Variants in HHIPL1 observed in about 807,000 individuals in gnomAD.
The protein encoded by HHIPL1 is HHIP like 1.
HHIPL1 carries 43 observed loss-of-function variants against 61.8 expected under a neutral mutation model. The observed-to-expected ratio is 0.70, with a 90% CI of 0.55 to 0.90. The LOEUF is 0.90. HHIPL1 is among the 40% of genes least tolerant of loss of function. The pLI is 0.00. For synonymous variants in HHIPL1, 482 were observed against 515.8 expected (o/e 0.93, Z 0.89); for missense variants, 1,056 against 1,157.7 (o/e 0.91, Z 1.28).
the HHIPL1 span, among the ~76,000 whole-genome samples, chr14:99,608,705 C>T: frequency 6.6e-6 from 1 of 152,226 alleles, no homozygotes; most frequent in Non-Finnish European, 1.5e-5. Context: ...ACAATGTTGA[C>T]TGGGCACTTT....
chr14:99,652,570 A>T lies in HHIPL1; in HGVS notation c.602A>T (p.His201Leu), dbSNP rs1210050108. 3 of 1,612,990 alleles carry T rather than the reference A, an allele frequency of 1.9e-6. No individual in the cohort carries two copies. Among genetic ancestry groups the T allele is most frequent in the African/African-American group, 2.7e-5 (2 of 74,922 alleles). ...NGLRNPVAMV[H>L]ARDGTHRFFV... ...CTGCGCAACCCCGTGGCCATGGTCC[A>T]TGCCAGGGATGGCACCCACCGCTTC... Residue 201 changes from histidine (H) to leucine (L), a missense_variant, in exon 2 of 9, where the codon CAT becomes CTT. Coordinates refer to ENST00000330710, the MANE Select transcript of HHIPL1 (RefSeq NM_001127258.3).
chr14:99,613,137 G>GC, the HHIPL1 span, among the ~76,000 whole-genome samples: 2 of 152,220 alleles, frequency 1.3e-5, no homozygotes, highest in South Asian at 4.2e-4. Flanking sequence ...CCTGCCCTGG[G>GC]CGAGGCTGGC....
chr14:99,652,590 C>A lies in HHIPL1; in HGVS notation c.622C>A (p.Arg208Ser), dbSNP rs140080680. 6.2e-7 allele frequency: 1 copy of A among 1,613,192 alleles called. No homozygotes were observed. Among genetic ancestry groups the A allele is most frequent in the Non-Finnish European group, 8.5e-7 (1 of 1,179,836 alleles). ...AMVHARDGTH[R>S]FFVAEQVGLV... is the part of the protein sequence containing the mutation. ...GGTCCATGCCAGGGATGGCACCCAC[C>A]GCTTCTTCGTGGCCGAGCAGGTGGG... The change falls in exon 2 of 9, where the codon CGC (arginine) becomes AGC (serine). Residue 208 changes from arginine (R) to serine (S), a missense_variant. Arg to Ser is a moderately radical substitution (Grantham distance 110). Coordinates refer to ENST00000330710, the MANE Select transcript of HHIPL1 (RefSeq NM_001127258.3).
At chr14:99,634,200 G>A in the HHIPL1 span, among the ~76,000 whole-genome samples, 318 of 152,236 alleles carry the variant, frequency 2.1e-3, no homozygotes, top group African/African-American at 4.5e-3. Flanking sequence ...GAGAGGGCAC[G>A]TATGTGTCTG....
chr14:99,650,338 T>A (rs2055906134), intron 1 of HHIPL1, among the ~76,000 whole-genome samples: 1 of 151,986 alleles, frequency 6.6e-6, no homozygotes, highest in Non-Finnish European at 1.5e-5. Flanking sequence ...AGAAGGAGCA[T>A]CCCCCGAAGC....
Position 99,675,407 on chromosome 14 carries a change from C to A in HHIPL1, c.2130C>A (p.Ala710=), listed in dbSNP as rs1274989837. The A allele has an allele frequency of 4.6e-6, 7 of 1,529,352 alleles. No individual in the cohort carries two copies. In the Admixed American group the frequency reaches 1.4e-4, roughly 30 times the overall value. The allele number at this position is 1,529,352 out of a possible 1,614,324, so 94.7% of individuals were successfully genotyped here. A position where few individuals can be genotyped will look rare whatever the true frequency, so the allele number is the denominator to read the frequency against. The change falls in exon 9 of 9, where the codon GCC becomes GCA. Residue 710 remains alanine (A), a synonymous_variant. Coordinates refer to ENST00000330710, the MANE Select transcript of HHIPL1 (RefSeq NM_001127258.3). The surrounding 1 kb of genome is among the most constrained non-coding windows in gnomAD (Gnocchi z 5.4). ...CDDSWNISGA[A]VVCRQLGFAY... ...ACTCCTGGAACATCAGCGGCGCCGC[C>A]GTCGTGTGTCGCCAGCTGGGGTTTG...
the HHIPL1 span, among the ~76,000 whole-genome samples, chr14:99,615,222 C>T: frequency 2.0e-5 from 3 of 152,064 alleles, no homozygotes; most frequent in Admixed American, 2.0e-4. Flanking sequence ...TCCCAGACAT[C>T]CTTTCTCTAA....
rs181443972 is a variant in HHIPL1, at chr14:99,652,041, C to A, written c.256-183C>A. 1.5e-3 allele frequency among the ~76,000 whole-genome samples: 227 copies of A among 152,318 alleles called. 1 individual carries two copies. Among genetic ancestry groups the A allele is most frequent in the South Asian group, 1.0e-3 (5 of 4,834 alleles). On this transcript the variant is annotated intron_variant, in intron 1 of 8. Transcript: ENST00000330710. ...TAGTAATAGTGTTCTAACAACAACA[C>A]AAACATTAAGACCTAAGGTTTGCTA...
At chr14:99,615,170 G>A in the HHIPL1 span, among the ~76,000 whole-genome samples, 1 of 152,138 alleles carries the variant, frequency 6.6e-6, no homozygotes, top group South Asian at 2.1e-4. Context: ...GGGGAGGGCA[G>A]AGTGAGACAT....
the HHIPL1 span, among the ~76,000 whole-genome samples, chr14:99,631,630 G>C: frequency 6.6e-6 from 1 of 152,086 alleles, no homozygotes; most frequent in Non-Finnish European, 1.5e-5. Flanking sequence ...GTGACTTCTG[G>C]CTCTTGAGAT....
At chr14:99,614,118 C>T in the HHIPL1 span, among the ~76,000 whole-genome samples, 13 of 152,000 alleles carry the variant, frequency 8.6e-5, no homozygotes, top group Non-Finnish European at 1.9e-4. Flanking sequence ...GGATCAGGAC[C>T]GGAAAATAGG....
the HHIPL1 span, among the ~76,000 whole-genome samples, chr14:99,617,796 A>G: frequency 6.6e-6 from 1 of 152,148 alleles, no homozygotes; most frequent in Non-Finnish European, 1.5e-5. Context: ...TCAGGCCCTC[A>G]GTTTCCCCAT....
chr14:99,643,439 TAGGGTG>T (rs1167414927), upstream of HHIPL1, among the ~76,000 whole-genome samples: 2 of 152,234 alleles, frequency 1.3e-5, no homozygotes, highest in South Asian at 2.1e-4. Flanking sequence ...AAATAGGTAT[TAGGGTG>T]AGGATTTATG....
At chr14:99,608,846 C>T in the HHIPL1 span, among the ~76,000 whole-genome samples, 1 of 152,186 alleles carries the variant, frequency 6.6e-6, no homozygotes, top group Non-Finnish European at 1.5e-5. Flanking sequence ...GTCACTTGCC[C>T]AAGGTCACAT....
the HHIPL1 span, among the ~76,000 whole-genome samples, chr14:99,621,778 C>A: frequency 3.4e-5 from 4 of 118,290 alleles, no homozygotes; most frequent in Admixed American, 4.9e-4. Context: ...TGCAGTGATG[C>A]GATCTTGGCT....
chr14:99,629,953 C>T, the HHIPL1 span, among the ~76,000 whole-genome samples: 2 of 152,144 alleles, frequency 1.3e-5, no homozygotes, highest in African/African-American at 2.4e-5. Context: ...GACAGGAGGC[C>T]GCTTGACAAC....
At chr14:99,653,888 T>C (rs1196749768) in intron 2 of HHIPL1, among the ~76,000 whole-genome samples, 4 of 152,148 alleles carry the variant, frequency 2.6e-5, no homozygotes, top group African/African-American at 7.2e-5. Flanking sequence ...GTTACTCATG[T>C]GTTAGAAATG....
At chr14:99,666,521 G>A (rs2056249120) in intron 6 of HHIPL1, among the ~76,000 whole-genome samples, 1 of 152,174 alleles carries the variant, frequency 6.6e-6, no homozygotes, top group Non-Finnish European at 1.5e-5. Context: ...TGGTTATGGA[G>A]GAGGGGCACC....
At chr14:99,618,699 G>A in the HHIPL1 span, among the ~76,000 whole-genome samples, 1 of 152,368 alleles carries the variant, frequency 6.6e-6, no homozygotes, top group African/African-American at 2.4e-5. Context: ...CAGCTCAGCT[G>A]CTTCCTTCAG....
Sources: gnomAD v4.1 joint callset for allele counts (sites outside exome capture counted in the v4.1 genomes callset) on GRCh38, gnomAD v4.1.1 for gene constraint, Gnocchi (gnomAD v3.1) non-coding constraint, MANE v1.5 for transcripts, NCBI Gene and HGNC (gene_info 2026-07-23, HGNC 2026-07-21) for gene names.